NEDD9: variants seen among roughly 807,000 people sequenced by gnomAD.
The protein encoded by NEDD9 is neural precursor cell expressed, developmentally down-regulated 9, also known as enhancer of filamentation 1.
In NEDD9, 26 loss-of-function variants were observed where a neutral mutation model predicts 76.6. The observed-to-expected ratio is 0.34, with a 90% CI of 0.25 to 0.47. NEDD9 has a LOEUF of 0.47. Among genes scored for constraint, NEDD9 ranks in the 20% least tolerant of loss-of-function variants. The pLI is 1.00. For synonymous variants in NEDD9, 392 were observed against 414.2 expected, an observed-to-expected ratio of 0.95 and a Z score of 0.65; for missense variants, 937 against 1,058.5, an observed-to-expected ratio of 0.89 and a Z score of 1.59.
intron 1 of NEDD9, among the ~76,000 whole-genome samples, chr6:11,345,340 TG>T (rs1166697413): frequency 6.6e-6 from 1 of 152,108 alleles, no homozygotes; most frequent in African/African-American, 2.4e-5. Context: ...ATTTTGACAG[TG>T]TCTTGTTTTG....
intron 3 of NEDD9, among the ~76,000 whole-genome samples, chr6:11,245,567 C>A (rs1476602422): frequency 6.6e-6 from 1 of 152,206 alleles, no homozygotes; most frequent in Non-Finnish European, 1.5e-5. Flanking sequence ...TACCTAGAGG[C>A]TGCCCTACTT....
chr6:11,373,697 T>C (rs1582055838), intron 1 of NEDD9, among the ~76,000 whole-genome samples: 1 of 152,350 alleles, frequency 6.6e-6, no homozygotes, highest in South Asian at 2.1e-4. Context: ...GTATCTGAGA[T>C]GGTTAATTTT....
intron 1 of NEDD9, among the ~76,000 whole-genome samples, chr6:11,348,223 C>A (rs947977049): frequency 6.6e-6 from 1 of 152,066 alleles, no homozygotes; most frequent in Non-Finnish European, 1.5e-5. Flanking sequence ...CAGCTAACCA[C>A]GGAGGTGAAA....
intron 3 of NEDD9, among the ~76,000 whole-genome samples, chr6:11,288,924 C>A (rs1400520109): frequency 6.6e-6 from 1 of 152,188 alleles, no homozygotes; most frequent in African/African-American, 2.4e-5. Context: ...CTAATTGCAG[C>A]CATTTTGTTT....
intron 3 of NEDD9, among the ~76,000 whole-genome samples, chr6:11,301,768 G>A (rs909876725): frequency 2.6e-5 from 4 of 152,164 alleles, no homozygotes; most frequent in Non-Finnish European, 4.4e-5. Context: ...AATGACTACT[G>A]GGTAAGTAAC....
chr6:11,279,093 C>A (rs1399316303), intron 3 of NEDD9, among the ~76,000 whole-genome samples: 1 of 152,074 alleles, frequency 6.6e-6, no homozygotes, highest in African/African-American at 2.4e-5. Context: ...GAAGTAAAGG[C>A]AATAGATACC....
intron 3 of NEDD9, among the ~76,000 whole-genome samples, chr6:11,254,708 A>G (rs978966443): frequency 3.9e-5 from 6 of 152,200 alleles, no homozygotes; most frequent in African/African-American, 1.4e-4. Context: ...TGGGCCCCAA[A>G]GGTGGTGGTA....
intron 2 of NEDD9, among the ~76,000 whole-genome samples, chr6:11,326,737 C>T (rs1167056242): frequency 6.6e-6 from 1 of 152,214 alleles, no homozygotes; most frequent in Non-Finnish European, 1.5e-5. Context: ...TGGGCAAGGC[C>T]CTGGGCTTGC....
chr6:11,221,970 G>A (rs1057513202), intron 1 of NEDD9, among the ~76,000 whole-genome samples: 2 of 152,110 alleles, frequency 1.3e-5, no homozygotes, highest in Non-Finnish European at 2.9e-5. Flanking sequence ...TAACATCCAG[G>A]TACTCAGGGA....
intron 1 of NEDD9, among the ~76,000 whole-genome samples, chr6:11,349,768 T>G (rs1561843855): frequency 6.6e-6 from 1 of 152,070 alleles, no homozygotes. Flanking sequence ...GGGAACTAAC[T>G]GAGGGTGGAG....
At chr6:11,295,159 A>T (rs1285956940) in intron 3 of NEDD9, among the ~76,000 whole-genome samples, 1 of 152,100 alleles carries the variant, frequency 6.6e-6, no homozygotes. Context: ...GTGTGAGAAC[A>T]GACTAATACA....
chr6:11,268,725 T>TCACA (rs112345199), intron 3 of NEDD9, among the ~76,000 whole-genome samples: 7 of 135,258 alleles, frequency 5.2e-5, no homozygotes, highest in African/African-American at 2.0e-4. Flanking sequence ...CGAAGCTCCA[T>TCACA]CACACACACA....
At chr6:11,261,321 A>G (rs552259363) in intron 3 of NEDD9, among the ~76,000 whole-genome samples, 27 of 152,324 alleles carry the variant, frequency 1.8e-4, no homozygotes, top group African/African-American at 6.3e-4. Flanking sequence ...GGCAAAACTG[A>G]GTCTTTGGAG....
At chr6:11,277,439 G>A (rs1242102268) in intron 3 of NEDD9, among the ~76,000 whole-genome samples, 2 of 152,186 alleles carry the variant, frequency 1.3e-5, no homozygotes, top group East Asian at 3.8e-4. Flanking sequence ...AAATTCCAAA[G>A]CATGTTACAA....
chr6:11,192,733 G>C (rs2113722257), intron 3 of NEDD9, among the ~76,000 whole-genome samples: 1 of 149,340 alleles, frequency 6.7e-6, no homozygotes, highest in East Asian at 2.0e-4. Flanking sequence ...AAGAAATCGA[G>C]ACCATCCTGG....
intron 3 of NEDD9, among the ~76,000 whole-genome samples, chr6:11,270,078 G>A (rs1315297181): frequency 2.0e-5 from 3 of 152,158 alleles, no homozygotes; most frequent in South Asian, 2.1e-4. Flanking sequence ...GCAGTGAGCC[G>A]AGATCGCATC....
chr6:11,333,041 A>G (rs1028201585), intron 2 of NEDD9, among the ~76,000 whole-genome samples: 2 of 119,178 alleles, frequency 1.7e-5, no homozygotes, highest in Admixed American at 1.7e-4. Context: ...GAAGGAAGGA[A>G]AAAAGGAAGG....
chr6:11,207,929 G>C (rs1758657618), intron 2 of NEDD9, among the ~76,000 whole-genome samples: 2 of 152,190 alleles, frequency 1.3e-5, no homozygotes, highest in Admixed American at 1.3e-4. Context: ...TATTATCCCA[G>C]CACTTTGGGA....
chr6:11,240,764 T>C (rs1759695103), intron 3 of NEDD9, among the ~76,000 whole-genome samples: 1 of 152,246 alleles, frequency 6.6e-6, no homozygotes, highest in African/African-American at 2.4e-5. Flanking sequence ...GCATTTTCTT[T>C]ACATGAAAGA....
Sources: allele counts gnomAD v4.1 joint callset (sites outside exome capture counted in the v4.1 genomes callset), GRCh38; gene constraint gnomAD v4.1.1; transcripts MANE v1.5; gene names NCBI Gene and HGNC (gene_info 2026-07-23, HGNC 2026-07-21).